GCH1: variants seen among roughly 807,000 people sequenced by gnomAD.
GCH1 encodes GTP cyclohydrolase 1.
In GCH1, 5 loss-of-function variants were observed where a neutral mutation model predicts 25.9. The observed-to-expected ratio is 0.19, with a 90% CI of 0.10 to 0.41. The LOEUF (loss-of-function observed/expected upper bound fraction) is 0.41. Ranked by LOEUF, GCH1 falls within the 10% of genes least tolerant of loss-of-function variation. The probability of loss-of-function intolerance (pLI) is 1.00; values close to 1 mark genes in which losing one functional copy is unlikely to be tolerated. For synonymous variants in GCH1, 159 were observed against 129.6 expected (o/e 1.23, Z -1.54); for missense variants, 261 against 336.5 (o/e 0.78, Z 1.75).
chr14:54,882,477 G>A lies in GCH1; in HGVS notation c.344-17041C>T, dbSNP rs1474706408. 2.0e-5 allele frequency among the ~76,000 whole-genome samples: 3 copies of A among 152,206 alleles called. No homozygotes were observed. In the East Asian group the frequency reaches 5.8e-4, roughly 29 times the overall value. ...GAATATTTCTGGTAGACCAAAATTA[G>A]AGCCTTAGAAACTGTCTAAGGAATC... On this transcript the variant is annotated intron_variant, in intron 1 of 5. Coordinates refer to ENST00000491895, the MANE Select transcript of GCH1 (RefSeq NM_000161.3).
intron 1 of GCH1, among the ~76,000 whole-genome samples, chr14:54,868,559 T>C (rs1003313041): frequency 1.3e-5 from 2 of 152,200 alleles, no homozygotes; most frequent in African/African-American, 2.4e-5. Flanking sequence ...GTTTAAATAA[T>C]AGTATTGTAC....
Position 54,898,311 on chromosome 14 carries a change from T to C in GCH1, c.343+4010A>G, listed in dbSNP as rs1029216163. Among the ~76,000 whole-genome samples, 97 of 152,330 alleles carry C rather than the reference T, an allele frequency of 6.4e-4. 1 individual carries two copies. Among genetic ancestry groups the C allele is most frequent in the African/African-American group, 2.2e-3 (93 of 41,566 alleles). On this transcript the variant is annotated intron_variant, in intron 1 of 5. Coordinates refer to ENST00000491895, the MANE Select transcript of GCH1 (RefSeq NM_000161.3). ...TAGAAAAGACTTAAGATGGTATGTC[T>C]GTGTAGGGCACTTACCATGAAAGGA...
rs1421700152 is a variant in GCH1 at position 54,842,325 on chromosome 14, T to C, written c.*1692A>G. On this transcript the variant is annotated 3_prime_UTR_variant, in exon 6 of 6. Coordinates refer to ENST00000491895, the MANE Select transcript of GCH1 (RefSeq NM_000161.3). ...GTCATTAAAAAGGAATATAAATGAG[T>C]TCATAAAGATAAATGTATAGCTGAC... is the stretch of plus-strand genomic sequence containing the variant. The C allele has an allele frequency of 1.3e-5, 2 of 152,560 alleles. No individual in the cohort carries two copies. Among genetic ancestry groups the C allele is most frequent in the Non-Finnish European group, 1.5e-5 (1 of 68,026 alleles). The allele number at this position is 152,560 out of a possible 1,614,324, so 9.5% of individuals were successfully genotyped here.
At chr14:54,870,734 C>G (rs551161590) in intron 1 of GCH1, among the ~76,000 whole-genome samples, 39 of 152,332 alleles carry the variant, frequency 2.6e-4, no homozygotes, top group Non-Finnish European at 4.7e-4. Context: ...CCTACTCCCA[C>G]AGATCCTCGC....
intron 1 of GCH1, chr14:54,884,789 AC>A (rs1244008267): frequency 0.034 from 5,136 of 150,004 alleles, 226 homozygotes; most frequent in African/African-American, 0.078. Flanking sequence ...AACAACAACA[AC>A]AACAACAACA....
At chr14:54,862,379 C>CTT (rs892910613) in intron 2 of GCH1, among the ~76,000 whole-genome samples, 435 of 57,136 alleles carry the variant, frequency 7.6e-3, no homozygotes, top group Non-Finnish European at 0.012. Flanking sequence ...AAGCACTACT[C>CTT]TTTTTTTTTT....
chr14:54,902,406 G>C lies in GCH1; in HGVS notation c.258C>G (p.Pro86=). ...SSILSSLGEN[P]QRQGLLKTPW... The stretch of plus-strand genomic sequence containing the variant: ...GCGTCTTGAGCAGCCCTTGCCGCTG[G>C]GGGTTCTCGCCCAGCGAGCTCAGGA... Residue 86 remains proline (P), a synonymous_variant, in exon 1 of 6, where the codon CCC becomes CCG. Coordinates refer to ENST00000491895, the MANE Select transcript of GCH1 (RefSeq NM_000161.3). The C allele has an allele frequency of 6.2e-7, 1 of 1,613,154 alleles. No individual in the cohort carries two copies. The highest frequency in any genetic ancestry group is 8.5e-7 in the Non-Finnish European group (1 of 1,179,840).
chr14:54,899,970 T>G, intron 1 of GCH1, among the ~76,000 whole-genome samples: 1 of 151,644 alleles, frequency 6.6e-6, no homozygotes, highest in East Asian at 1.9e-4. Context: ...GTTCAAATGA[T>G]TCTCCTACCT....
chr14:54,896,705 G>C lies in GCH1; in HGVS notation c.343+5616C>G, dbSNP rs146503008. ...AGGCGGGCGGATCACAAAGTCAGGA[G>C]ATCAAGACCATCCTGGCTAACACGG... On this transcript the variant is annotated intron_variant, in intron 1 of 5. Transcript: ENST00000491895. Among the ~76,000 whole-genome samples, 960 of 151,334 alleles carry C rather than the reference G, an allele frequency of 6.3e-3. 10 individuals carry two copies. The highest frequency in any genetic ancestry group is 0.022 in the African/African-American group (895 of 41,244).
At position 54,847,666 on chromosome 14, in the gene GCH1, T is replaced by TTATATA. The variant is rs148059269; in HGVS notation, c.510-542_510-537dup. Among the ~76,000 whole-genome samples, 1,390 of 148,472 alleles carry TTATATA rather than the reference T, an allele frequency of 9.4e-3. 34 individuals carry two copies. Among genetic ancestry groups the TTATATA allele is most frequent in the Non-Finnish European group, 0.011 (720 of 66,986 alleles). ...AAGTCAATACTTAATAAACTCCCCT[T>TTATATA]TATATATATATATATATCTCCTATT... On this transcript the variant is annotated intron_variant, in intron 3 of 5. Coordinates refer to ENST00000491895, the MANE Select transcript of GCH1 (RefSeq NM_000161.3).
At chr14:54,884,799 C>CAAAAA (rs767558287) in intron 1 of GCH1, 2 of 145,978 alleles carry the variant, frequency 1.4e-5, no homozygotes, top group South Asian at 4.4e-4. Flanking sequence ...ACAACAACAA[C>CAAAAA]AAAAAAAAAG....
chr14:54,897,581 G>A lies in GCH1; in HGVS notation c.343+4740C>T, dbSNP rs186618395. ...TGGGATTACAGGCGTGAGCCACCGC[G>A]CCCGGCTACTCCACTTTTTTTTTTA... On this transcript the variant is annotated intron_variant, in intron 1 of 5. Transcript: ENST00000491895. Among the ~76,000 whole-genome samples, 615 of 151,968 alleles carry A rather than the reference G, an allele frequency of 4.0e-3. 3 individuals are homozygous for A. Among genetic ancestry groups the A allele is most frequent in the Admixed American group, 7.7e-3 (117 of 15,274 alleles).
intron 1 of GCH1, among the ~76,000 whole-genome samples, chr14:54,898,085 T>G (rs939908665): frequency 6.6e-6 from 1 of 152,210 alleles, no homozygotes; most frequent in African/African-American, 2.4e-5. Flanking sequence ...ATTTGTGTAT[T>G]TAAAGATATG....
intron 1 of GCH1, among the ~76,000 whole-genome samples, chr14:54,886,365 C>T (rs1428119410): frequency 6.6e-6 from 1 of 152,198 alleles, no homozygotes; most frequent in African/African-American, 2.4e-5. Context: ...GTAATCCCCG[C>T]ACTTTGGGAG....
intron 2 of GCH1, 116 bp from the exon 3 acceptor site, chr14:54,859,852 G>T: frequency 1.4e-6 from 1 of 706,152 alleles, no homozygotes; most frequent in South Asian, 1.5e-5. Context: ...TCACGACAAT[G>T]TATTACCTTG....
At position 54,873,960 on chromosome 14, in the gene GCH1, T is replaced by C. The variant is rs566795685; in HGVS notation, c.344-8524A>G. Among the ~76,000 whole-genome samples the C allele has an allele frequency of 7.2e-5, 11 of 152,122 alleles. No individual in the cohort carries two copies. The South Asian group carries it at 1.0e-3, about 14-fold the overall frequency. ...TTCCTTCTGAAACTATTCCAATCAATAGAAAAAGAGGGAATCCTCCCTAAC... is the reference window on the plus strand; with the variant it reads ...TTCCTTCTGAAACTATTCCAATCAACAGAAAAAGAGGGAATCCTCCCTAAC... On this transcript the variant is annotated intron_variant, in intron 1 of 5. Coordinates refer to ENST00000491895, the MANE Select transcript of GCH1 (RefSeq NM_000161.3).
intron 1 of GCH1, among the ~76,000 whole-genome samples, chr14:54,873,657 G>A (rs865906920): frequency 5.3e-5 from 8 of 152,110 alleles, no homozygotes; most frequent in South Asian, 2.1e-4. Context: ...AAATGATAAA[G>A]GGGATATCAC....
intron 1 of GCH1, among the ~76,000 whole-genome samples, chr14:54,900,443 C>T (rs1174061145): frequency 6.6e-6 from 1 of 151,988 alleles, no homozygotes; most frequent in Admixed American, 6.6e-5. Context: ...AACTCCTGAC[C>T]TCAGGTGATC....
intron 4 of GCH1, among the ~76,000 whole-genome samples, chr14:54,846,100 G>A (rs1009448546): frequency 6.6e-6 from 1 of 152,080 alleles, no homozygotes; most frequent in African/African-American, 2.4e-5. Context: ...GCATCACTGC[G>A]GGAAGGAATT....
Sources: allele counts gnomAD v4.1 joint callset (sites outside exome capture counted in the v4.1 genomes callset), GRCh38; gene constraint gnomAD v4.1.1; transcripts MANE v1.5; gene names NCBI Gene and HGNC (gene_info 2026-07-23, HGNC 2026-07-21).